RAB3B: variants seen among roughly 807,000 people sequenced by gnomAD.
RAB3B encodes ras-related protein Rab-3B.
In RAB3B, 11 loss-of-function variants were observed where a neutral mutation model predicts 20.5. The observed-to-expected ratio is 0.54, with a 90% CI of 0.34 to 0.89. The LOEUF (loss-of-function observed/expected upper bound fraction) is 0.89. RAB3B is among the 40% of genes least tolerant of loss of function. The pLI is 0.02. For synonymous variants in RAB3B, 99 were observed against 106.3 expected (o/e 0.93, Z 0.42); for missense variants, 225 against 280.9 (o/e 0.80, Z 1.42).
chr1:51,951,575 G>A (rs1383099359), intron 2 of RAB3B, among the ~76,000 whole-genome samples: 3 of 152,188 alleles, frequency 2.0e-5, no homozygotes, highest in Admixed American at 2.0e-4. Flanking sequence ...TGTAATCCCA[G>A]CTGAGGTGGG....
intron 3 of RAB3B, among the ~76,000 whole-genome samples, chr1:51,935,408 AC>A (rs1008530202): frequency 6.6e-6 from 1 of 152,130 alleles, no homozygotes; most frequent in Admixed American, 6.5e-5. Flanking sequence ...AGACCAAGTT[AC>A]CCACAGACAA....
At chr1:51,981,509 A>G (rs1038207646) in intron 1 of RAB3B, among the ~76,000 whole-genome samples, 5 of 152,206 alleles carry the variant, frequency 3.3e-5, no homozygotes, top group African/African-American at 1.2e-4. Context: ...AAAGAGACCT[A>G]TTTATACTTT....
intron 1 of RAB3B, among the ~76,000 whole-genome samples, chr1:51,983,214 C>T (rs1685109743): frequency 6.6e-6 from 1 of 151,894 alleles, no homozygotes; most frequent in Non-Finnish European, 1.5e-5. Flanking sequence ...ATTAGCCAGG[C>T]ATGGTGGCAG....
At chr1:51,926,597 T>C (rs1684247250) in intron 4 of RAB3B, among the ~76,000 whole-genome samples, 1 of 152,182 alleles carries the variant, frequency 6.6e-6, no homozygotes, top group African/African-American at 2.4e-5. Context: ...AAAGAAACCC[T>C]TATTCTCCTG....
intron 4 of RAB3B, among the ~76,000 whole-genome samples, chr1:51,927,562 G>A (rs1684260789): frequency 6.6e-6 from 1 of 152,146 alleles, no homozygotes; most frequent in South Asian, 2.1e-4. Context: ...GATCACTTGA[G>A]CCCAGCAGTT....
At chr1:51,930,047 TG>T (rs1049995386) in intron 4 of RAB3B, among the ~76,000 whole-genome samples, 1 of 152,184 alleles carries the variant, frequency 6.6e-6, no homozygotes, top group Non-Finnish European at 1.5e-5. Context: ...CAAGTTCTGG[TG>T]ATCAATAGCA....
At chr1:51,975,497 C>T (rs954891849) in intron 2 of RAB3B, among the ~76,000 whole-genome samples, 11 of 152,204 alleles carry the variant, frequency 7.2e-5, no homozygotes, top group Admixed American at 5.2e-4. Flanking sequence ...ACCAACAGAA[C>T]GCTGTAAGGC....
At chr1:51,979,285 T>TC (rs200469847) in intron 1 of RAB3B, among the ~76,000 whole-genome samples, 3 of 151,044 alleles carry the variant, frequency 2.0e-5, no homozygotes, top group African/African-American at 7.3e-5. Context: ...TTTTTTTTTT[T>TC]CTGAGATGGA....
At position 51,982,759 on chromosome 1, in the gene RAB3B, T is replaced by A. The variant is rs568394343; in HGVS notation, c.1-5642A>T. ...GCAAGACTCAATCTCAAAAAAATAA[T>A]AATAATAATAATAAATAAAAAATAA... On this transcript the variant is annotated intron_variant, in intron 1 of 4. Transcript: ENST00000371655. Among the ~76,000 whole-genome samples the A allele has an allele frequency of 2.1e-3, 314 of 151,464 alleles. 2 individuals are homozygous for A. The highest frequency in any genetic ancestry group is 7.4e-3 in the African/African-American group (304 of 41,354).
chr1:51,963,484 T>C (rs191419335), intron 2 of RAB3B, among the ~76,000 whole-genome samples: 2 of 152,350 alleles, frequency 1.3e-5, no homozygotes, highest in African/African-American at 4.8e-5. Context: ...GAGCAAAACA[T>C]GGCTGGAGAA....
chr1:51,983,930 A>G (rs1557979217), intron 1 of RAB3B, among the ~76,000 whole-genome samples: 1 of 152,054 alleles, frequency 6.6e-6, no homozygotes, highest in Non-Finnish European at 1.5e-5. Flanking sequence ...ACTACACTCC[A>G]GTCTGGGTGA....
rs1298263728 is a variant in RAB3B, at chr1:51,912,456, C to T, written c.*7471G>A. The T allele has an allele frequency of 6.8e-6, 1 of 146,938 alleles. No homozygotes were observed. Among genetic ancestry groups the T allele is most frequent in the African/African-American group, 2.5e-5 (1 of 39,536 alleles). 9.1% of individuals were successfully genotyped at this position (146,938 alleles called of 1,614,324 possible). On this transcript the variant is annotated 3_prime_UTR_variant, in exon 5 of 5. Transcript: ENST00000371655. ...GATGCGGTGGCTCATACGTACAATCCTAGTGACTCAGGAGGCCAAGGCAAG... is the reference window on the plus strand; with the variant it reads ...GATGCGGTGGCTCATACGTACAATCTTAGTGACTCAGGAGGCCAAGGCAAG...
chr1:51,937,298 C>A lies in RAB3B; in HGVS notation c.343G>T (p.Asp115Tyr). 1 of 1,602,516 alleles carries A rather than the reference C, an allele frequency of 6.2e-7. No individual in the cohort carries two copies. Among genetic ancestry groups the A allele is most frequent in the South Asian group, 1.1e-5 (1 of 90,582 alleles). The change falls in exon 3 of 5, where the codon GAC (aspartate) becomes TAC (tyrosine). Residue 115 changes from aspartate to tyrosine, a missense_variant. Transcript: ENST00000371655. ...GAATGAATATGGGTCTCATACCAGTCTTGGACAGCATTGAAGGACTCTTCA... is the reference window on the plus strand; with the variant it reads ...GAATGAATATGGGTCTCATACCAGTATTGGACAGCATTGAAGGACTCTTCA... ...TNEESFNAVQ[D>Y]WATQIKTYSW...
At chr1:51,973,944 AT>A (rs774710572) in intron 2 of RAB3B, among the ~76,000 whole-genome samples, 3 of 152,350 alleles carry the variant, frequency 2.0e-5, no homozygotes, top group African/African-American at 4.8e-5. Flanking sequence ...TCAGTAAAAA[AT>A]ATCTTATGTT....
intron 2 of RAB3B, among the ~76,000 whole-genome samples, chr1:51,941,261 T>A (rs1013065598): frequency 2.0e-5 from 3 of 152,166 alleles, no homozygotes; most frequent in Admixed American, 6.6e-5. Context: ...AGGTAGGTGA[T>A]GAAGCTAGAA....
chr1:51,936,968 C>G (rs1273172095), intron 3 of RAB3B, among the ~76,000 whole-genome samples: 1 of 152,118 alleles, frequency 6.6e-6, no homozygotes, highest in African/African-American at 2.4e-5. Context: ...CACGTGCCAC[C>G]ACGCCTGGCT....
chr1:51,982,998 C>T (rs575804724), intron 1 of RAB3B, among the ~76,000 whole-genome samples: 9 of 152,212 alleles, frequency 5.9e-5, no homozygotes, highest in South Asian at 2.1e-4. Flanking sequence ...GAGCAACTGC[C>T]GGCCCTGCAA....
At chr1:51,980,679 GAAGCT>G (rs1685074542) in intron 1 of RAB3B, 1 of 756,654 alleles carries the variant, frequency 1.3e-6, no homozygotes, top group Non-Finnish European at 2.4e-6. Flanking sequence ...AGCAGTATGT[GAAGCT>G]ACATTACTAT....
At chr1:51,955,610 G>A (rs1484292812) in intron 2 of RAB3B, among the ~76,000 whole-genome samples, 1 of 152,092 alleles carries the variant, frequency 6.6e-6, no homozygotes. Flanking sequence ...ATGTTGGCCA[G>A]GCTGGTCTCA....
Sources: allele counts gnomAD v4.1 joint callset (sites outside exome capture counted in the v4.1 genomes callset), GRCh38; gene constraint gnomAD v4.1.1; transcripts MANE v1.5; gene names NCBI Gene and HGNC (gene_info 2026-07-23, HGNC 2026-07-21).